The following KHDRBS2 variants were observed in gnomAD, a reference collection of about 807,000 sequenced individuals.
KHDRBS2 encodes the protein KH domain-containing, RNA-binding, signal transduction-associated protein 2.
A neutral mutation model predicts 44.3 loss-of-function variants in KHDRBS2; 26 were observed. The ratio of observed to expected loss-of-function variants is 0.59; its 90% CI spans 0.43 to 0.81. The LOEUF is 0.81. KHDRBS2 is among the 40% of genes least tolerant of loss of function. The probability of loss-of-function intolerance (pLI) is 0.00; values close to 1 mark genes in which losing one functional copy is unlikely to be tolerated. For synonymous variants in KHDRBS2, 194 were observed against 151.1 expected (o/e 1.28, Z -2.08); for missense variants, 476 against 433.1 (o/e 1.10, Z -0.88).
chr6:62,211,925 G>A (rs1490636824), intron 1 of KHDRBS2, among the ~76,000 whole-genome samples: 4 of 152,160 alleles, frequency 2.6e-5, no homozygotes, highest in Non-Finnish European at 4.4e-5. Context: ...ATCAGTGGTA[G>A]ACTGGATAAA....
At chr6:62,099,437 G>A (rs2127371525) in intron 2 of KHDRBS2, among the ~76,000 whole-genome samples, 2 of 152,264 alleles carry the variant, frequency 1.3e-5, no homozygotes, top group East Asian at 1.9e-4. Flanking sequence ...CCTAAGCCTA[G>A]GTTTATCCCA....
chr6:61,564,961 A>T, the KHDRBS2 span, among the ~76,000 whole-genome samples: 2 of 151,974 alleles, frequency 1.3e-5, no homozygotes, highest in African/African-American at 4.8e-5. Context: ...CCAATGAGAC[A>T]GAATAAAGAA....
At chr6:62,175,079 T>C (rs1390392626) in intron 2 of KHDRBS2, among the ~76,000 whole-genome samples, 2 of 151,566 alleles carry the variant, frequency 1.3e-5, no homozygotes, top group African/African-American at 2.4e-5. Context: ...TAATAAGACA[T>C]AGTTTGTTTT....
intron 1 of KHDRBS2, among the ~76,000 whole-genome samples, chr6:62,265,420 CTGTGTATGTGTA>C (rs952299927): frequency 6.6e-6 from 1 of 151,538 alleles, no homozygotes; most frequent in Non-Finnish European, 1.5e-5. Flanking sequence ...GTGTGTATGT[CTGTGTATGTGTA>C]TGTGTATGTG....
At chr6:62,059,261 G>A (rs1282637078) in intron 2 of KHDRBS2, among the ~76,000 whole-genome samples, 2 of 114,570 alleles carry the variant, frequency 1.7e-5, no homozygotes, top group Non-Finnish European at 3.3e-5. Context: ...ACTGAATAGG[G>A]AGCTTGAAGC....
chr6:61,780,947 G>T lies in KHDRBS2; in HGVS notation c.811-48183C>A, dbSNP rs193181936. On this transcript the variant is annotated intron_variant, in intron 6 of 8. Coordinates refer to ENST00000281156, the MANE Select transcript of KHDRBS2 (RefSeq NM_152688.4). ...GGCATCCTATTTAGCAGGTGTACAG[G>T]TCTTTCCTTATATATCAGTTTAATT... is the stretch of plus-strand genomic sequence containing the variant. Among the ~76,000 whole-genome samples, 341 of 152,176 alleles carry T rather than the reference G, an allele frequency of 2.2e-3. 2 individuals carry two copies. The highest frequency in any genetic ancestry group is 8.0e-3 in the African/African-American group (332 of 41,526).
At chr6:62,083,592 T>A (rs1002541966) in intron 2 of KHDRBS2, among the ~76,000 whole-genome samples, 76 of 152,138 alleles carry the variant, frequency 5.0e-4, no homozygotes, top group African/African-American at 1.7e-3. Context: ...TAGACTCTGT[T>A]GCAGGCCCAC....
chr6:61,628,598 T>C, the KHDRBS2 span, among the ~76,000 whole-genome samples: 2 of 152,180 alleles, frequency 1.3e-5, no homozygotes, highest in Non-Finnish European at 2.9e-5. Flanking sequence ...CCCTCTCCAC[T>C]GACCAAACAG....
chr6:61,963,535 T>A (rs1261690712), intron 4 of KHDRBS2, among the ~76,000 whole-genome samples: 1 of 152,068 alleles, frequency 6.6e-6, no homozygotes, highest in East Asian at 1.9e-4. Context: ...ATTAGGGATG[T>A]GACTCTATGA....
At chr6:61,656,109 T>C in the KHDRBS2 span, among the ~76,000 whole-genome samples, 1 of 152,062 alleles carries the variant, frequency 6.6e-6, no homozygotes, top group Admixed American at 6.6e-5. Flanking sequence ...TCAAAGAGAT[T>C]TGATGTGATT....
intron 2 of KHDRBS2, among the ~76,000 whole-genome samples, chr6:62,138,193 T>C (rs905776992): frequency 6.6e-6 from 1 of 152,178 alleles, no homozygotes; most frequent in African/African-American, 2.4e-5. Flanking sequence ...CCAAATACGG[T>C]ATACATAAAG....
intron 2 of KHDRBS2, among the ~76,000 whole-genome samples, chr6:62,138,505 C>T (rs1224511145): frequency 6.6e-6 from 1 of 152,160 alleles, no homozygotes; most frequent in Non-Finnish European, 1.5e-5. Context: ...AAAATGTTGT[C>T]TTTTATTTCT....
chr6:61,919,947 G>A (rs548677684), intron 4 of KHDRBS2, among the ~76,000 whole-genome samples: 34 of 151,826 alleles, frequency 2.2e-4, no homozygotes, highest in South Asian at 4.2e-4. Context: ...ATGATTCTAC[G>A]AATGGTTTGA....
intron 6 of KHDRBS2, among the ~76,000 whole-genome samples, chr6:61,855,515 C>A (rs911545521): frequency 6.7e-6 from 1 of 150,328 alleles, no homozygotes; most frequent in African/African-American, 2.5e-5. Flanking sequence ...CATACTAGAC[C>A]CTCATGATAT....
chr6:62,064,817 A>T (rs2127334135), intron 2 of KHDRBS2, among the ~76,000 whole-genome samples: 1 of 151,800 alleles, frequency 6.6e-6, no homozygotes, highest in South Asian at 2.1e-4. Context: ...TGCACAGCAA[A>T]AGAAACTACC....
chr6:62,104,766 C>A (rs995041184), intron 2 of KHDRBS2, among the ~76,000 whole-genome samples: 1 of 151,652 alleles, frequency 6.6e-6, no homozygotes, highest in Non-Finnish European at 1.5e-5. Flanking sequence ...AATATTATCA[C>A]TTTAAAAATT....
intron 1 of KHDRBS2, among the ~76,000 whole-genome samples, chr6:62,258,147 T>A (rs796204534): frequency 9.9e-5 from 15 of 152,130 alleles, no homozygotes; most frequent in African/African-American, 3.6e-4. Flanking sequence ...ACTGTGCACT[T>A]ACTTTACTGT....
chr6:61,883,325 C>T (rs1800472004), intron 6 of KHDRBS2, among the ~76,000 whole-genome samples: 1 of 152,022 alleles, frequency 6.6e-6, no homozygotes, highest in Non-Finnish European at 1.5e-5. Flanking sequence ...GCATTTTTTA[C>T]TCCAACAGAG....
chr6:61,985,532 T>G (rs1440637230), intron 3 of KHDRBS2, among the ~76,000 whole-genome samples: 1 of 152,086 alleles, frequency 6.6e-6, no homozygotes, highest in Non-Finnish European at 1.5e-5. Context: ...AAGAGGAAGT[T>G]TTCAAATGTT....
Sources: gnomAD v4.1 joint callset for allele counts (sites outside exome capture counted in the v4.1 genomes callset) on GRCh38, gnomAD v4.1.1 for gene constraint, MANE v1.5 for transcripts, NCBI Gene and HGNC (gene_info 2026-07-23, HGNC 2026-07-21) for gene names.